The following CTNNA2 variants were observed in gnomAD, a reference collection of about 807,000 sequenced individuals.
CTNNA2 encodes catenin alpha 2, also known as catenin alpha-2.
CTNNA2 carries 42 observed loss-of-function variants against 101.0 expected under a neutral mutation model. The ratio of observed to expected loss-of-function variants is 0.42; its 90% CI spans 0.32 to 0.54. CTNNA2 has a LOEUF of 0.54. Among genes scored for constraint, CTNNA2 ranks in the 20% least tolerant of loss-of-function variants. The pLI is 0.14. For missense variants in CTNNA2, 871 were observed against 1,223.1 expected (o/e 0.71, Z 4.29); for synonymous variants, 450 against 456.4 (o/e 0.99, Z 0.18).
intron 2 of CTNNA2, among the ~76,000 whole-genome samples, chr2:79,715,231 C>G (rs1166987611): frequency 1.6e-5 from 2 of 126,232 alleles, no homozygotes; most frequent in Non-Finnish European, 3.3e-5. Context: ...AAAAAAAAAC[C>G]CACAGAGGAA....
chr2:79,610,146 G>A (rs1678169889), intron 1 of CTNNA2, among the ~76,000 whole-genome samples: 6 of 152,036 alleles, frequency 3.9e-5, no homozygotes, highest in Admixed American at 3.9e-4. Context: ...ATATAAATAT[G>A]GCAAATAAGC....
At chr2:79,625,301 C>G (rs1679237073) in intron 1 of CTNNA2, among the ~76,000 whole-genome samples, 1 of 151,980 alleles carries the variant, frequency 6.6e-6, no homozygotes, top group African/African-American at 2.4e-5. Flanking sequence ...ATGATAATTG[C>G]TATAATTGAG....
At chr2:79,262,604 T>TCATCAC (rs1204762040) in intron 2 of CTNNA2, among the ~76,000 whole-genome samples, 2 of 152,086 alleles carry the variant, frequency 1.3e-5, no homozygotes, top group African/African-American at 2.4e-5. Context: ...GTGTCTCAGA[T>TCATCAC]CATCACCATC....
intron 7 of CTNNA2, among the ~76,000 whole-genome samples, chr2:80,364,453 T>C (rs1343502887): frequency 6.6e-6 from 1 of 152,110 alleles, no homozygotes. Context: ...ATAAACTCTT[T>C]GCCTTATTTT....
intron 7 of CTNNA2, among the ~76,000 whole-genome samples, chr2:80,142,295 T>C (rs1703063745): frequency 6.6e-6 from 1 of 152,186 alleles, no homozygotes; most frequent in South Asian, 2.1e-4. Context: ...GTCTTCAGCG[T>C]TAGCTGCTCA....
intron 2 of CTNNA2, among the ~76,000 whole-genome samples, chr2:79,708,804 T>C (rs1249253504): frequency 1.3e-5 from 2 of 152,202 alleles, no homozygotes; most frequent in Non-Finnish European, 2.9e-5. Context: ...GATCAAAATA[T>C]ATTGACATAC....
intron 17 of CTNNA2, among the ~76,000 whole-genome samples, chr2:80,614,637 A>G (rs1028542874): frequency 2.0e-5 from 3 of 151,462 alleles, no homozygotes; most frequent in Admixed American, 1.3e-4. Context: ...CTACTTGTTC[A>G]TATATGAGAA....
chr2:80,281,685 T>C (rs1231176155), intron 7 of CTNNA2, among the ~76,000 whole-genome samples: 3 of 152,076 alleles, frequency 2.0e-5, no homozygotes, highest in East Asian at 3.9e-4. Context: ...AGAAGATATA[T>C]TGAAACAAAT....
intron 1 of CTNNA2, chr2:79,524,847 C>T (rs1290253061): frequency 1.3e-5 from 2 of 150,886 alleles, no homozygotes; most frequent in Non-Finnish European, 3.0e-5. Context: ...ACATGAATTT[C>T]ATATGTTCAC....
chr2:79,507,172 G>T (rs913570025), intron 5 of CTNNA2, among the ~76,000 whole-genome samples: 1 of 152,106 alleles, frequency 6.6e-6, no homozygotes, highest in South Asian at 2.1e-4. Context: ...AAATAAGGAG[G>T]CTGGATAGGA....
Position 79,829,655 on chromosome 2 carries a change from G to A in CTNNA2, c.299-28358G>A, listed in dbSNP as rs1014700087. ...TACTCATGTCTGTTTTTAAAAAAGA[G>A]GAGTGCGTATTCCTCGTAGGGAGAT... On this transcript the variant is annotated intron_variant, in intron 3 of 18. Transcript: ENST00000402739. Among the ~76,000 whole-genome samples, 17 of 151,982 alleles carry A rather than the reference G, an allele frequency of 1.1e-4. 1 individual carries two copies. The highest frequency in any genetic ancestry group is 3.4e-3 in the Middle Eastern group (1 of 292).
At position 79,852,492 on chromosome 2, in the gene CTNNA2, A is replaced by G. The variant is rs115459605; in HGVS notation, c.299-5521A>G. On this transcript the variant is annotated intron_variant, in intron 3 of 18. Coordinates refer to ENST00000402739, the MANE Select transcript of CTNNA2 (RefSeq NM_001282597.3). ...CCTTTTTCTTCATTTTCATTCTCAC[A>G]CTAGTTCCAGTTTTCATCATTTGAT... Among the ~76,000 whole-genome samples the G allele has an allele frequency of 5.2e-3, 789 of 152,256 alleles. 5 individuals carry two copies. Among genetic ancestry groups the G allele is most frequent in the African/African-American group, 0.018 (758 of 41,554 alleles).
Position 80,648,762 on chromosome 2 carries a change from T to TAAACAC in CTNNA2, c.*892_*897dup, listed in dbSNP as rs1558680823. Reference sequence around the variant, plus strand: ...ATTGTATTCACTAACTAACTCAAAATAAACACATTTAATCTTGACATCTCA... The same window carrying TAAACAC: ...ATTGTATTCACTAACTAACTCAAAATAAACACAAACACATTTAATCTTGACATCTCA... On this transcript the variant is annotated 3_prime_UTR_variant, in exon 19 of 19. Coordinates refer to ENST00000402739, the MANE Select transcript of CTNNA2 (RefSeq NM_001282597.3). 1.3e-5 allele frequency: 2 copies of TAAACAC among 152,090 alleles called. No homozygotes were observed. The highest frequency in any genetic ancestry group is 4.8e-5 in the African/African-American group (2 of 41,428). 9.4% of individuals were successfully genotyped at this position (152,090 alleles called of 1,614,324 possible).
intron 7 of CTNNA2, chr2:80,030,454 A>G (rs1049140436): frequency 1.3e-5 from 2 of 152,148 alleles, no homozygotes; most frequent in African/African-American, 4.8e-5. Context: ...CACCTCGACA[A>G]GATTTTCAGT....
chr2:79,592,189 C>T (rs1463032427), intron 1 of CTNNA2, among the ~76,000 whole-genome samples: 2 of 150,570 alleles, frequency 1.3e-5, no homozygotes, highest in Non-Finnish European at 2.9e-5. Flanking sequence ...GGCACAATCT[C>T]GGCTCACTGC....
chr2:79,979,445 T>C, intron 7 of CTNNA2, among the ~76,000 whole-genome samples: 1 of 152,192 alleles, frequency 6.6e-6, no homozygotes, highest in East Asian at 1.9e-4. Context: ...TAGAACATCA[T>C]TTCGGTGTCC....
intron 9 of CTNNA2, among the ~76,000 whole-genome samples, chr2:80,423,271 T>G (rs978254128): frequency 1.1e-4 from 17 of 152,130 alleles, no homozygotes; most frequent in African/African-American, 4.1e-4. Flanking sequence ...GATAATCATG[T>G]CATTAATTTC....
intron 8 of CTNNA2, among the ~76,000 whole-genome samples, chr2:80,401,139 T>G (rs1332848429): frequency 6.6e-6 from 1 of 152,164 alleles, no homozygotes; most frequent in Non-Finnish European, 1.5e-5. Flanking sequence ...CATTTTGCAG[T>G]GGGTTTAGTT....
rs973445588 is a variant in CTNNA2 at position 79,984,278 on chromosome 2, A to AT, written c.1056+74488dup. On this transcript the variant is annotated intron_variant, in intron 7 of 18. Coordinates refer to ENST00000402739, the MANE Select transcript of CTNNA2 (RefSeq NM_001282597.3). ...TCTTCAGAAAAATGCCTAAGAAAGG[A>AT]TTTTTTTCCCCACTGTCTCCACATT... is the stretch of plus-strand genomic sequence containing the variant. 2.2e-4 allele frequency among the ~76,000 whole-genome samples: 33 copies of AT among 152,200 alleles called. 1 individual carries two copies. Among genetic ancestry groups the AT allele is most frequent in the Admixed American group, 1.8e-3 (27 of 15,282 alleles).
Sources: allele counts gnomAD v4.1 joint callset (sites outside exome capture counted in the v4.1 genomes callset), GRCh38; gene constraint gnomAD v4.1.1; transcripts MANE v1.5; gene names NCBI Gene and HGNC (gene_info 2026-07-23, HGNC 2026-07-21).